Variants in ATP6V0A4 observed in about 807,000 individuals in gnomAD.
ATP6V0A4 encodes ATPase H+ transporting V0 subunit a4, also known as V-type proton ATPase 116 kDa subunit a 4.
In ATP6V0A4, 86 loss-of-function variants were observed where a neutral mutation model predicts 107.3. The observed-to-expected ratio is 0.80, with a 90% CI of 0.67 to 0.96. The LOEUF is 0.96. ATP6V0A4 is among the 40% of genes least tolerant of loss of function. The pLI is 0.00. For missense variants in ATP6V0A4, 908 were observed against 1,045.6 expected (o/e 0.87, Z 1.81); for synonymous variants, 353 against 381.4 (o/e 0.93, Z 0.87).
At position 138,706,351 on chromosome 7, in the gene ATP6V0A4, A is replaced by G. The variant is rs1377699041; in HGVS notation, c.*273T>C. ...AATATTTAAAATATTGCAAGAAGAC[A>G]TCTGTTTAGCATTCTCCCCTCATTT... On this transcript the variant is annotated 3_prime_UTR_variant, in exon 22 of 22. Coordinates refer to ENST00000310018, the MANE Select transcript of ATP6V0A4 (RefSeq NM_020632.3). The G allele has an allele frequency of 4.4e-6, 2 of 454,588 alleles. No individual in the cohort carries two copies. The highest frequency in any genetic ancestry group is 3.4e-5 in the Admixed American group (1 of 29,408). The allele number at this position is 454,588 out of a possible 1,614,324, so 28.2% of individuals were successfully genotyped here.
intron 1 of ATP6V0A4, among the ~76,000 whole-genome samples, chr7:138,787,663 T>C (rs558355853): frequency 1.3e-5 from 2 of 151,902 alleles, no homozygotes; most frequent in East Asian, 3.9e-4. Context: ...TCTAAATAAA[T>C]ACATAAATAA....
At chr7:138,776,558 C>T (rs756663174) in intron 2 of ATP6V0A4, among the ~76,000 whole-genome samples, 6 of 152,202 alleles carry the variant, frequency 3.9e-5, no homozygotes, top group Non-Finnish European at 8.8e-5. Context: ...TGCCTCCCTC[C>T]ACTCTCCACT....
At chr7:138,725,248 A>T (rs1804648199) in intron 18 of ATP6V0A4, among the ~76,000 whole-genome samples, 1 of 152,232 alleles carries the variant, frequency 6.6e-6, no homozygotes, top group African/African-American at 2.4e-5. Context: ...TGGGCAACAG[A>T]GCAAGACCCT....
chr7:138,719,210 A>G (rs956457137), intron 19 of ATP6V0A4, among the ~76,000 whole-genome samples: 5 of 152,146 alleles, frequency 3.3e-5, no homozygotes. Flanking sequence ...AATAATCATA[A>G]TTAACCTTAC....
intron 2 of ATP6V0A4, among the ~76,000 whole-genome samples, chr7:138,784,222 A>ATATATG (rs1563020624): frequency 1.2e-5 from 1 of 86,248 alleles, no homozygotes; most frequent in Non-Finnish European, 2.1e-5. Context: ...CATTATATAT[A>ATATATG]TATATATATA....
chr7:138,713,515 G>A (rs1266379624), intron 20 of ATP6V0A4, among the ~76,000 whole-genome samples: 4 of 152,204 alleles, frequency 2.6e-5, no homozygotes, highest in African/African-American at 9.6e-5. Context: ...ATTATGCTCA[G>A]TGCCAGGAAT....
At chr7:138,755,621 G>A in intron 10 of ATP6V0A4, 68 bp downstream of exon 10, 1 of 1,602,038 alleles carries the variant, frequency 6.2e-7, no homozygotes, top group South Asian at 1.1e-5. Context: ...GGCAGGGCTT[G>A]TATGAAAACA....
chr7:138,727,436 C>T (rs978276309), intron 18 of ATP6V0A4, among the ~76,000 whole-genome samples: 1 of 152,230 alleles, frequency 6.6e-6, no homozygotes. Context: ...GTTAACCAAA[C>T]AATAACCAAG....
chr7:138,792,516 A>G (rs1284469066), intron 1 of ATP6V0A4, among the ~76,000 whole-genome samples: 1 of 152,214 alleles, frequency 6.6e-6, no homozygotes. Context: ...AACTCAATCC[A>G]AAAGTAGTGA....
chr7:138,796,513 G>A (rs917504019), intron 1 of ATP6V0A4, among the ~76,000 whole-genome samples: 3 of 152,078 alleles, frequency 2.0e-5, no homozygotes, highest in South Asian at 2.1e-4. Context: ...CCATTCATGC[G>A]CAGGAACACT....
chr7:138,785,456 T>C (rs1468254800), intron 2 of ATP6V0A4, among the ~76,000 whole-genome samples: 1 of 151,956 alleles, frequency 6.6e-6, no homozygotes, highest in Non-Finnish European at 1.5e-5. Context: ...TTTGTATTTT[T>C]AGTGGAGACA....
chr7:138,783,157 A>C (rs1807999621), intron 2 of ATP6V0A4, among the ~76,000 whole-genome samples: 2 of 152,204 alleles, frequency 1.3e-5, no homozygotes. Context: ...GCAGGGCAGC[A>C]GCTAAAGAGG....
chr7:138,753,885 G>T (rs996815926), intron 10 of ATP6V0A4, among the ~76,000 whole-genome samples: 1 of 152,148 alleles, frequency 6.6e-6, no homozygotes, highest in Non-Finnish European at 1.5e-5. Flanking sequence ...CTCAGCATCA[G>T]ACAGTGTCTA....
At position 138,732,790 on chromosome 7, in the gene ATP6V0A4, T is replaced by C. The variant is rs1185339080; in HGVS notation, c.1908+87A>G. 6.7e-6 allele frequency: 9 copies of C among 1,350,780 alleles called. No individual in the cohort carries two copies. The Admixed American group carries it at 1.1e-4, about 17-fold the overall frequency. The allele number at this position is 1,350,780 out of a possible 1,614,324, so 83.7% of individuals were successfully genotyped here. A position where few individuals can be genotyped will look rare whatever the true frequency, so the allele number is the denominator to read the frequency against. On this transcript the variant is annotated intron_variant, in intron 17 of 21. Transcript: ENST00000310018. Reference sequence around the variant, plus strand: ...GCCTGGGTGACAGAGCAAGACTCTTTCTCAAAAAAAAAAAAAGAGTAGGAG... The same window carrying C: ...GCCTGGGTGACAGAGCAAGACTCTTCCTCAAAAAAAAAAAAAGAGTAGGAG...
chr7:138,745,913 C>T (rs1210821236), intron 13 of ATP6V0A4, among the ~76,000 whole-genome samples: 4 of 71,988 alleles, frequency 5.6e-5, no homozygotes, highest in East Asian at 6.2e-4. Flanking sequence ...CACTGCCCTC[C>T]GGCCTGGGTG....
Position 138,768,816 on chromosome 7 carries a change from T to C in ATP6V0A4, c.255A>G (p.Pro85=), listed in dbSNP as rs754532720. The change falls in exon 5 of 22, where the codon CCA becomes CCG. Residue 85 remains proline, a synonymous_variant. Transcript: ENST00000310018. ...TCATTTCCCGTGGGAGCGGGGTCAG[T>C]GGGCTTTTCTCGAGCAACTGAACTA... The part of the protein sequence containing the change: ...EIVVQLLEKS[P]LTPLPREMIT... 3 of 1,614,188 alleles carry C rather than the reference T, an allele frequency of 1.9e-6. No homozygotes were observed. Among genetic ancestry groups the C allele is most frequent in the Non-Finnish European group, 2.5e-6 (3 of 1,180,026 alleles).
chr7:138,746,118 T>C (rs909980802), intron 13 of ATP6V0A4, among the ~76,000 whole-genome samples: 1 of 118,868 alleles, frequency 8.4e-6, no homozygotes, highest in Admixed American at 1.0e-4. Flanking sequence ...AAGCAAGGCC[T>C]CATCTGCTTA....
intron 5 of ATP6V0A4, among the ~76,000 whole-genome samples, chr7:138,765,266 G>T (rs559269877): frequency 2.7e-4 from 41 of 152,092 alleles, no homozygotes; most frequent in African/African-American, 9.2e-4. Context: ...ATTACCTCCC[G>T]TCTCAGAGAA....
Position 138,734,993 on chromosome 7 carries a change from C to T in ATP6V0A4, c.1573-739G>A, listed in dbSNP as rs80186268. On this transcript the variant is annotated intron_variant, in intron 15 of 21. Transcript: ENST00000310018. ...TTTCTCAAGAAGCCGTTCCTGTAGC[C>T]AATCTTTGCAAGCACGATGCGTAAG... Among the ~76,000 whole-genome samples the T allele has an allele frequency of 4.6e-3, 705 of 152,230 alleles. 5 individuals carry two copies. The highest frequency in any genetic ancestry group is 0.016 in the African/African-American group (667 of 41,558).
Sources: gnomAD v4.1 joint callset for allele counts (sites outside exome capture counted in the v4.1 genomes callset) on GRCh38, gnomAD v4.1.1 for gene constraint, MANE v1.5 for transcripts, NCBI Gene and HGNC (gene_info 2026-07-23, HGNC 2026-07-21) for gene names.